HS3ST4: variants seen among roughly 807,000 people sequenced by gnomAD.
HS3ST4 encodes heparan sulfate glucosamine 3-O-sulfotransferase 4.
In HS3ST4, 17 loss-of-function variants were observed where a neutral mutation model predicts 29.2. The observed-to-expected ratio is 0.58, with a 90% CI of 0.40 to 0.87. The LOEUF (loss-of-function observed/expected upper bound fraction) is 0.87. Ranked by LOEUF, HS3ST4 falls within the 40% of genes least tolerant of loss-of-function variation. HS3ST4 has a pLI of 0.00. For synonymous variants in HS3ST4, 314 were observed against 285.7 expected, an observed-to-expected ratio of 1.10 and a Z score of -1.00; for missense variants, 627 against 634.5, an observed-to-expected ratio of 0.99 and a Z score of 0.13.
chr16:25,907,425 T>A (rs1286681226), intron 1 of HS3ST4, among the ~76,000 whole-genome samples: 1 of 151,996 alleles, frequency 6.6e-6, no homozygotes. Flanking sequence ...ACATTAGAGG[T>A]CACCTTGATC....
At chr16:25,955,044 T>C (rs915914071) in intron 1 of HS3ST4, among the ~76,000 whole-genome samples, 34 of 152,154 alleles carry the variant, frequency 2.2e-4, no homozygotes, top group Admixed American at 2.6e-4. Context: ...CAATGCTAAC[T>C]GAGAGAATGG....
intron 1 of HS3ST4, among the ~76,000 whole-genome samples, chr16:25,814,719 A>G (rs1190699095): frequency 6.6e-6 from 1 of 152,152 alleles, no homozygotes; most frequent in East Asian, 1.9e-4. Context: ...TCAATGGGAG[A>G]GTGAGAATGC....
intron 1 of HS3ST4, among the ~76,000 whole-genome samples, chr16:25,965,399 C>CA (rs5816338): frequency 0.082 from 10,632 of 129,040 alleles, 509 homozygotes; most frequent in African/African-American, 0.16. Flanking sequence ...AATTTCTTGT[C>CA]AAAAAAAAAA....
chr16:25,837,210 T>C (rs1371324964), intron 1 of HS3ST4, among the ~76,000 whole-genome samples: 3 of 152,318 alleles, frequency 2.0e-5, no homozygotes, highest in East Asian at 1.9e-4. Context: ...AAAAAACTCA[T>C]TGGATGCCAT....
At chr16:26,085,060 T>C (rs572258946) in intron 1 of HS3ST4, among the ~76,000 whole-genome samples, 6 of 152,336 alleles carry the variant, frequency 3.9e-5, no homozygotes, top group African/African-American at 1.2e-4. Context: ...GCCTCTCAGT[T>C]ATGACTCTTT....
At chr16:26,057,623 C>T (rs924573833) in intron 1 of HS3ST4, among the ~76,000 whole-genome samples, 1 of 152,126 alleles carries the variant, frequency 6.6e-6, no homozygotes, top group East Asian at 1.9e-4. Context: ...TGTGGTGGTG[C>T]ACACCTATAG....
intron 1 of HS3ST4, among the ~76,000 whole-genome samples, chr16:25,849,743 G>A (rs1221518834): frequency 2.0e-5 from 3 of 152,052 alleles, no homozygotes; most frequent in Non-Finnish European, 4.4e-5. Flanking sequence ...CTGGGCTCAA[G>A]CAATTTGCCT....
chr16:25,969,247 T>A (rs1968873253), intron 1 of HS3ST4, among the ~76,000 whole-genome samples: 1 of 152,256 alleles, frequency 6.6e-6, no homozygotes, highest in Non-Finnish European at 1.5e-5. Context: ...TGTCCTTTAG[T>A]GTTTCTCTTT....
chr16:25,850,167 T>A (rs1967503886), intron 1 of HS3ST4, among the ~76,000 whole-genome samples: 1 of 152,000 alleles, frequency 6.6e-6, no homozygotes, highest in South Asian at 2.1e-4. Context: ...GCCTGGCTAA[T>A]TTTGTATTTT....
chr16:25,994,472 T>C (rs904400960), intron 1 of HS3ST4, among the ~76,000 whole-genome samples: 2 of 152,206 alleles, frequency 1.3e-5, no homozygotes, highest in Non-Finnish European at 2.9e-5. Context: ...ATATACTGTT[T>C]ATTTATGAGT....
chr16:26,048,534 T>A (rs1596662550), intron 1 of HS3ST4, among the ~76,000 whole-genome samples: 1 of 152,190 alleles, frequency 6.6e-6, no homozygotes, highest in East Asian at 1.9e-4. Context: ...CATTGAATCC[T>A]GGCTTGGTGC....
intron 1 of HS3ST4, among the ~76,000 whole-genome samples, chr16:26,022,894 T>C (rs1430394649): frequency 6.6e-6 from 1 of 152,130 alleles, no homozygotes; most frequent in East Asian, 1.9e-4. Flanking sequence ...TGGCCAGGCT[T>C]AGCTGGGTGT....
chr16:26,066,545 T>C (rs1423424213), intron 1 of HS3ST4, among the ~76,000 whole-genome samples: 1 of 152,114 alleles, frequency 6.6e-6, no homozygotes, highest in African/African-American at 2.4e-5. Flanking sequence ...CCTCTCTTCT[T>C]TTCTTCCTCT....
intron 1 of HS3ST4, among the ~76,000 whole-genome samples, chr16:26,007,914 CTT>C (rs370947868): frequency 7.6e-5 from 11 of 144,860 alleles, no homozygotes; most frequent in Admixed American, 1.4e-4. Flanking sequence ...CACATGGCCA[CTT>C]TTTTTTTTTT....
At chr16:25,835,243 T>C (rs1967345519) in intron 1 of HS3ST4, among the ~76,000 whole-genome samples, 1 of 152,206 alleles carries the variant, frequency 6.6e-6, no homozygotes, top group South Asian at 2.1e-4. Context: ...TCCCCCGTTG[T>C]TGTTTGAACA....
chr16:25,904,928 CAT>C (rs1314784955), intron 1 of HS3ST4, among the ~76,000 whole-genome samples: 2 of 152,178 alleles, frequency 1.3e-5, no homozygotes, highest in East Asian at 3.8e-4. Context: ...TAAATTTCCT[CAT>C]ATGTGAATTC....
chr16:25,914,627 TG>T (rs898132689), intron 1 of HS3ST4, among the ~76,000 whole-genome samples: 15 of 149,864 alleles, frequency 1.0e-4, no homozygotes, highest in Non-Finnish European at 2.2e-4. Flanking sequence ...GGGGTGTGTG[TG>T]GTGTGTGTGT....
At chr16:26,036,197 C>G (rs1969581372) in intron 1 of HS3ST4, among the ~76,000 whole-genome samples, 1 of 152,216 alleles carries the variant, frequency 6.6e-6, no homozygotes. Flanking sequence ...AACTTTATTT[C>G]AGCCCCATTA....
intron 1 of HS3ST4, among the ~76,000 whole-genome samples, chr16:26,013,438 A>T (rs1420543498): frequency 6.6e-6 from 1 of 152,174 alleles, no homozygotes; most frequent in Non-Finnish European, 1.5e-5. Context: ...CAATTAATAT[A>T]AAATATATGG....
Sources: allele counts gnomAD v4.1 joint callset (sites outside exome capture counted in the v4.1 genomes callset), GRCh38; gene constraint gnomAD v4.1.1; transcripts MANE v1.5; gene names NCBI Gene and HGNC (gene_info 2026-07-23, HGNC 2026-07-21).